PTPRT: variants seen among roughly 807,000 people sequenced by gnomAD.
PTPRT encodes the protein protein tyrosine phosphatase receptor type T.
PTPRT carries 56 observed loss-of-function variants against 176.8 expected under a neutral mutation model. That is an observed-to-expected ratio of 0.32 (90% CI 0.26 to 0.40). PTPRT has a LOEUF of 0.40. Among genes scored for constraint, PTPRT ranks in the 10% least tolerant of loss-of-function variants. The probability of loss-of-function intolerance (pLI) is 1.00; values close to 1 mark genes in which losing one functional copy is unlikely to be tolerated. For synonymous variants in PTPRT, 783 were observed against 739.0 expected (o/e 1.06, Z -0.96); for missense variants, 1,540 against 1,908.2 (o/e 0.81, Z 3.60).
chr20:42,287,224 C>G (rs990203980), intron 12 of PTPRT, among the ~76,000 whole-genome samples: 1 of 151,934 alleles, frequency 6.6e-6, no homozygotes, highest in Non-Finnish European at 1.5e-5. Flanking sequence ...ATCCAGCAAT[C>G]TTACTACTGG....
chr20:43,106,747 T>C (rs1242669129), intron 1 of PTPRT, among the ~76,000 whole-genome samples: 4 of 151,706 alleles, frequency 2.6e-5, no homozygotes, highest in Non-Finnish European at 5.9e-5. Flanking sequence ...ACAGACGTAT[T>C]TGTGGGAAAG....
chr20:42,689,336 A>C (rs1453019547), intron 6 of PTPRT, among the ~76,000 whole-genome samples: 1 of 152,160 alleles, frequency 6.6e-6, no homozygotes, highest in Admixed American at 6.5e-5. Flanking sequence ...CAGTCAGATA[A>C]GAATCTGCCA....
chr20:42,184,561 A>G (rs6030034), intron 16 of PTPRT, among the ~76,000 whole-genome samples: 1 of 128,126 alleles, frequency 7.8e-6, no homozygotes, highest in South Asian at 2.8e-4. Context: ...TCTTCTTCTT[A>G]TTCTTCTTCT....
intron 1 of PTPRT, among the ~76,000 whole-genome samples, chr20:43,106,336 CT>C (rs113083481): frequency 0.023 from 3,511 of 152,192 alleles, 62 homozygotes; most frequent in East Asian, 0.05. Context: ...GTTAATGCTC[CT>C]CCATCCAGTT....
At chr20:43,156,041 T>C (rs2014510486) in intron 1 of PTPRT, among the ~76,000 whole-genome samples, 1 of 152,204 alleles carries the variant, frequency 6.6e-6, no homozygotes, top group Non-Finnish European at 1.5e-5. Context: ...TTTTACACAC[T>C]ATTCACGACA....
At position 42,278,127 on chromosome 20, in the gene PTPRT, A is replaced by G. The variant is rs1056934525; in HGVS notation, c.2176+4362T>C. Among the ~76,000 whole-genome samples the G allele has an allele frequency of 9.3e-4, 78 of 83,996 alleles. 7 individuals are homozygous for G. Among genetic ancestry groups the G allele is most frequent in the East Asian group, 6.3e-3 (16 of 2,558 alleles). 55.1% of individuals were successfully genotyped at this position (83,996 alleles called of 152,430 possible). On this transcript the variant is annotated intron_variant, in intron 13 of 30. Coordinates refer to ENST00000373187, the MANE Select transcript of PTPRT (RefSeq NM_007050.6). ...TATATATATATATATATATATATAT[A>G]TATATATTTGCAAGTTGTGATGAGT... is the stretch of plus-strand genomic sequence containing the variant.
At position 43,160,165 on chromosome 20, in the gene PTPRT, AG is replaced by A. The variant is rs1394974352; in HGVS notation, c.88+29480del. 2.0e-5 allele frequency among the ~76,000 whole-genome samples: 3 copies of A among 152,174 alleles called. No individual in the cohort carries two copies. In the East Asian group the frequency reaches 5.8e-4, roughly 29 times the overall value. On this transcript the variant is annotated intron_variant, in intron 1 of 30. Coordinates refer to ENST00000373187, the MANE Select transcript of PTPRT (RefSeq NM_007050.6). ...AGAAGCCACCAGAATACCAACGAGC[AG>A]GGAGGTCTCCATGCCAGGAAACCCC...
intron 9 of PTPRT, among the ~76,000 whole-genome samples, chr20:42,367,355 G>T (rs2058528523): frequency 6.6e-6 from 1 of 152,150 alleles, no homozygotes; most frequent in East Asian, 1.9e-4. Flanking sequence ...GGTGTTTGAT[G>T]GTATTTTTGG....
At chr20:42,437,941 G>A (rs1240139393) in intron 9 of PTPRT, among the ~76,000 whole-genome samples, 1 of 152,170 alleles carries the variant, frequency 6.6e-6, no homozygotes, top group Non-Finnish European at 1.5e-5. Flanking sequence ...TCCAACAGGG[G>A]TAACACGGTA....
intron 6 of PTPRT, among the ~76,000 whole-genome samples, chr20:42,725,489 G>T (rs1359427125): frequency 6.6e-6 from 1 of 151,982 alleles, no homozygotes; most frequent in Non-Finnish European, 1.5e-5. Flanking sequence ...TTACAAATGA[G>T]AAAAGTGAGG....
intron 17 of PTPRT, among the ~76,000 whole-genome samples, chr20:42,152,327 T>C (rs1989171987): frequency 6.6e-6 from 1 of 152,266 alleles, no homozygotes; most frequent in Non-Finnish European, 1.5e-5. Context: ...GGATGACTAA[T>C]GACGTCTATT....
chr20:43,137,681 T>C (rs1568806659), intron 1 of PTPRT, among the ~76,000 whole-genome samples: 1 of 152,150 alleles, frequency 6.6e-6, no homozygotes, highest in East Asian at 1.9e-4. Flanking sequence ...CCCAACGCTA[T>C]AGTGGCCTCT....
At chr20:42,040,449 G>C in the PTPRT span, among the ~76,000 whole-genome samples, 1 of 152,110 alleles carries the variant, frequency 6.6e-6, no homozygotes. Flanking sequence ...GGTATATATT[G>C]ATCATGATAG....
intron 5 of PTPRT, among the ~76,000 whole-genome samples, chr20:42,758,889 T>A (rs1020918528): frequency 6.6e-6 from 1 of 152,230 alleles, no homozygotes; most frequent in African/African-American, 2.4e-5. Context: ...AAAGGTCACT[T>A]GGGCGGAAAC....
At chr20:42,876,280 T>C (rs180814344) in intron 2 of PTPRT, among the ~76,000 whole-genome samples, 57 of 152,240 alleles carry the variant, frequency 3.7e-4, no homozygotes, top group Admixed American at 3.5e-3. Context: ...CAATCAATAA[T>C]AATATCAGGT....
chr20:42,406,690 A>G (rs921331697), intron 9 of PTPRT, among the ~76,000 whole-genome samples: 7 of 152,182 alleles, frequency 4.6e-5, no homozygotes, highest in African/African-American at 1.7e-4. Flanking sequence ...CAAATAATGC[A>G]AAAATAAAAC....
chr20:42,911,617 T>C (rs902928175), intron 1 of PTPRT, among the ~76,000 whole-genome samples: 4 of 152,166 alleles, frequency 2.6e-5, no homozygotes, highest in Admixed American at 6.5e-5. Context: ...CATGAATCTG[T>C]ATGCATGCAT....
chr20:42,065,945 T>G, the PTPRT span, among the ~76,000 whole-genome samples: 2 of 152,276 alleles, frequency 1.3e-5, no homozygotes, highest in Non-Finnish European at 2.9e-5. Flanking sequence ...AGTATTAAGA[T>G]GATTATATGT....
intron 27 of PTPRT, among the ~76,000 whole-genome samples, chr20:42,096,742 C>T (rs1006515614): frequency 2.0e-5 from 3 of 150,990 alleles, no homozygotes; most frequent in African/African-American, 7.3e-5. Flanking sequence ...TGGCACCATG[C>T]CTGGCTAATT....
Sources: gnomAD v4.1 joint callset for allele counts (sites outside exome capture counted in the v4.1 genomes callset) on GRCh38, gnomAD v4.1.1 for gene constraint, MANE v1.5 for transcripts, NCBI Gene and HGNC (gene_info 2026-07-23, HGNC 2026-07-21) for gene names.